PAPPA: variants seen among roughly 807,000 people sequenced by gnomAD.
The protein encoded by PAPPA is pappalysin 1, also known as pappalysin-1.
A neutral mutation model predicts 164.0 loss-of-function variants in PAPPA; 60 were observed. The observed-to-expected ratio is 0.37, with a 90% CI of 0.30 to 0.45. PAPPA has a LOEUF of 0.45. Among genes scored for constraint, PAPPA ranks in the 20% least tolerant of loss-of-function variants. The pLI, the probability that PAPPA is intolerant of heterozygous loss-of-function variation, is 1.00. For missense variants in PAPPA, 1,782 were observed against 2,087.3 expected, an observed-to-expected ratio of 0.85 and a Z score of 2.85; for synonymous variants, 875 against 814.1, an observed-to-expected ratio of 1.07 and a Z score of -1.27.
At position 116,261,912 on chromosome 9, in the gene PAPPA, T is replaced by TA. The variant is rs1554745036; in HGVS notation, c.2733-3935dup. Among the ~76,000 whole-genome samples the TA allele has an allele frequency of 1.9e-4, 28 of 149,950 alleles. No homozygotes were observed. In the South Asian group the frequency reaches 3.8e-3, roughly 20 times the overall value. ...GTGTTTTGTTTTGTTTTGTTTTGTT[T>TA]AAAAAAAAAATGCATGAGGGCCAGG... On this transcript the variant is annotated intron_variant, in intron 7 of 21. Transcript: ENST00000328252.
chr9:116,240,327 T>C (rs535423770), intron 7 of PAPPA, among the ~76,000 whole-genome samples: 15 of 152,188 alleles, frequency 9.9e-5, no homozygotes, highest in Non-Finnish European at 1.9e-4. Context: ...TATAATAATA[T>C]TCTGATGGAA....
At position 116,199,904 on chromosome 9, in the gene PAPPA, G is replaced by A. The variant is rs563169581; in HGVS notation, c.1479-7552G>A. Among the ~76,000 whole-genome samples the A allele has an allele frequency of 1.6e-4, 24 of 152,018 alleles. No individual in the cohort carries two copies. In the East Asian group the frequency reaches 3.9e-3, roughly 25 times the overall value. On this transcript the variant is annotated intron_variant, in intron 2 of 21. Coordinates refer to ENST00000328252, the MANE Select transcript of PAPPA (RefSeq NM_002581.5). ...GAAGCAAGAGAGAGAGTGGGGAGAC[G>A]ATAGAGTCTTTTTAACCACCGACTC... is the stretch of plus-strand genomic sequence containing the variant.
intron 2 of PAPPA, among the ~76,000 whole-genome samples, chr9:116,197,630 C>A (rs775020585): frequency 1.2e-4 from 19 of 152,306 alleles, no homozygotes; most frequent in Admixed American, 3.9e-4. Flanking sequence ...ACTTGAACTC[C>A]TTGATCATCA....
At chr9:116,357,053 C>T (rs1846363692) in intron 17 of PAPPA, among the ~76,000 whole-genome samples, 2 of 152,178 alleles carry the variant, frequency 1.3e-5, no homozygotes, top group African/African-American at 4.8e-5. Context: ...TTTAGTCAAA[C>T]CTGGTCCCTT....
Position 116,154,230 on chromosome 9 carries a change from G to T in PAPPA, c.58G>T (p.Gly20Trp), listed in dbSNP as rs1253979453. ...GCTGCTGAGCGCCGCGCTGGGCTGC[G>T]GGCTGGCCGAGCGTCCCCGCCGGGC... ...LGLLSAALGC[G>W]LAERPRRARR... The change falls in exon 1 of 22, where the codon GGG becomes TGG. Residue 20 changes from glycine (G) to tryptophan (W), a missense_variant. Physicochemically the swap from Gly to Trp is radical, Grantham distance 184. This residue lies in a region of PAPPA where 458 missense variants were observed against 430.3 expected (regional missense o/e 1.06). Transcript: ENST00000328252. The surrounding 1 kb of genome is among the most constrained non-coding windows in gnomAD (Gnocchi z 5.2). 7.0e-7 allele frequency: 1 copy of T among 1,436,902 alleles called. No individual in the cohort carries two copies. Among genetic ancestry groups the T allele is most frequent in the Non-Finnish European group, 9.2e-7 (1 of 1,091,246 alleles). The allele number at this position is 1,436,902 out of a possible 1,614,324, so 89.0% of individuals were successfully genotyped here. A position where few individuals can be genotyped will look rare whatever the true frequency, so the allele number is the denominator to read the frequency against.
chr9:116,321,182 C>T (rs1013585665), intron 10 of PAPPA, among the ~76,000 whole-genome samples: 6 of 152,012 alleles, frequency 3.9e-5, no homozygotes, highest in South Asian at 2.1e-4. Context: ...CGCCCACCAC[C>T]GCACCCAGCT....
At chr9:116,378,345 C>T (rs1033864230) in intron 20 of PAPPA, among the ~76,000 whole-genome samples, 4 of 152,262 alleles carry the variant, frequency 2.6e-5, no homozygotes, top group Non-Finnish European at 4.4e-5. Context: ...GGGCTGTCCA[C>T]GGAACTCAAA....
At chr9:116,206,076 G>T (rs1326904222) in intron 2 of PAPPA, among the ~76,000 whole-genome samples, 1 of 152,164 alleles carries the variant, frequency 6.6e-6, no homozygotes, top group African/African-American at 2.4e-5. Flanking sequence ...AGACTGATTA[G>T]AATTCCTCAT....
intron 6 of PAPPA, among the ~76,000 whole-genome samples, chr9:116,228,347 C>G (rs533493248): frequency 5.3e-4 from 81 of 152,252 alleles, no homozygotes; most frequent in African/African-American, 1.9e-3. Flanking sequence ...CCACCCAGTC[C>G]CTCTTGCTCT....
At chr9:116,242,976 T>G (rs549200911) in intron 7 of PAPPA, among the ~76,000 whole-genome samples, 12 of 152,342 alleles carry the variant, frequency 7.9e-5, no homozygotes, top group Admixed American at 7.8e-4. Context: ...TCCTGTTCTA[T>G]GACTTGTCTA....
At chr9:116,312,726 T>A (rs1401180414) in intron 10 of PAPPA, among the ~76,000 whole-genome samples, 2 of 152,174 alleles carry the variant, frequency 1.3e-5, no homozygotes, top group Admixed American at 6.5e-5. Context: ...CTTACTTTGA[T>A]AAATTAGACT....
chr9:116,186,584 C>A (rs1276626327), intron 1 of PAPPA, among the ~76,000 whole-genome samples: 2 of 152,100 alleles, frequency 1.3e-5, no homozygotes, highest in African/African-American at 4.8e-5. Context: ...CAATTTAATG[C>A]CACTGATCAT....
intron 17 of PAPPA, among the ~76,000 whole-genome samples, chr9:116,359,707 C>A (rs1203571373): frequency 4.6e-5 from 7 of 152,172 alleles, no homozygotes; most frequent in Non-Finnish European, 1.5e-5. Context: ...ATGCAGAGGG[C>A]ACAGCAAGGG....
chr9:116,310,408 A>T (rs1367937643), intron 10 of PAPPA, among the ~76,000 whole-genome samples: 1 of 152,206 alleles, frequency 6.6e-6, no homozygotes, highest in Non-Finnish European at 1.5e-5. Flanking sequence ...TGTGCAAGTC[A>T]TCTAAGGAGA....
intron 19 of PAPPA, chr9:116,373,504 G>T (rs1349778560): frequency 1.3e-5 from 2 of 152,008 alleles, no homozygotes; most frequent in East Asian, 3.9e-4. Context: ...GGGAAAAAGG[G>T]CTTATCTTAG....
chr9:116,322,001 T>C (rs1845862408), intron 10 of PAPPA, among the ~76,000 whole-genome samples: 1 of 152,190 alleles, frequency 6.6e-6, no homozygotes, highest in African/African-American at 2.4e-5. Flanking sequence ...CGTGGCAGGC[T>C]GATCAATGCC....
intron 21 of PAPPA, 139 bp from the exon 22 acceptor site, chr9:116,396,370 G>T (rs984159727): frequency 1.4e-6 from 1 of 690,464 alleles, no homozygotes; most frequent in African/African-American, 1.8e-5. Context: ...GTTATCACCA[G>T]GATAGCAAGA....
intron 10 of PAPPA, among the ~76,000 whole-genome samples, chr9:116,323,078 C>T (rs964691915): frequency 6.6e-6 from 1 of 152,152 alleles, no homozygotes; most frequent in Non-Finnish European, 1.5e-5. Flanking sequence ...CCAGAGCCCC[C>T]GCTCCCCCTC....
chr9:116,180,968 A>C (rs1843897844), intron 1 of PAPPA, among the ~76,000 whole-genome samples: 1 of 152,136 alleles, frequency 6.6e-6, no homozygotes, highest in Admixed American at 6.5e-5. Context: ...TGCTGTGAGG[A>C]TTCTAGGAGA....
Sources: allele counts gnomAD v4.1 joint callset (sites outside exome capture counted in the v4.1 genomes callset), GRCh38; gene constraint gnomAD v4.1.1; regional missense constraint gnomAD v4.1.1; non-coding constraint Gnocchi (gnomAD v3.1); transcripts MANE v1.5; gene names NCBI Gene and HGNC (gene_info 2026-07-23, HGNC 2026-07-21).